Variants in IPO7 observed in about 807,000 individuals in gnomAD.
IPO7 encodes the protein importin-7.
In IPO7, 13 loss-of-function variants were observed where a neutral mutation model predicts 136.4. The ratio of observed to expected loss-of-function variants is 0.10; its 90% CI spans 0.06 to 0.15. IPO7 has a LOEUF of 0.15. Ranked by LOEUF, IPO7 falls within the 10% of genes least tolerant of loss-of-function variation. The pLI, the probability that IPO7 is intolerant of heterozygous loss-of-function variation, is 1.00. For missense variants in IPO7, 857 were observed against 1,240.6 expected (o/e 0.69, Z 4.65); for synonymous variants, 403 against 404.4 (o/e 1.00, Z 0.04).
At chr11:9,438,744 C>A (rs1855419399) in intron 22 of IPO7, among the ~76,000 whole-genome samples, 3 of 152,162 alleles carry the variant, frequency 2.0e-5, no homozygotes, top group African/African-American at 7.2e-5. Context: ...GTGATGTAAT[C>A]AGGAACTTCA....
At chr11:9,436,644 G>A (rs1855372350) in intron 20 of IPO7, among the ~76,000 whole-genome samples, 1 of 150,564 alleles carries the variant, frequency 6.6e-6, no homozygotes, top group South Asian at 2.1e-4. Flanking sequence ...AATATCCATG[G>A]TCAGTTTTTT....
chr11:9,398,140 A>T (rs532937257), intron 1 of IPO7, among the ~76,000 whole-genome samples: 84 of 151,804 alleles, frequency 5.5e-4, no homozygotes, highest in African/African-American at 2.0e-3. Context: ...AACCTTTCTC[A>T]CTCTACACTG....
chr11:9,394,853 A>G (rs550995129), intron 1 of IPO7, among the ~76,000 whole-genome samples: 1 of 152,206 alleles, frequency 6.6e-6, no homozygotes, highest in Non-Finnish European at 1.5e-5. Flanking sequence ...AAGTGTGACT[A>G]TTGAAATTAT....
At position 9,436,278 on chromosome 11, in the gene IPO7, C is replaced by G. The variant is rs777295284; in HGVS notation, c.2180C>G (p.Thr727Arg). The G allele has an allele frequency of 6.2e-7, 1 of 1,611,108 alleles. No homozygotes were observed. The highest frequency in any genetic ancestry group is 8.5e-7 in the Non-Finnish European group (1 of 1,177,290). ...ATATTCTGTTTTGATCAGGTTCTTA[C>G]AGGAGTTGCAGGAGAAGATGCAGAG... ...MIYSMCKKVL[T>R]GVAGEDAECH... Residue 727 changes from threonine (T) to arginine (R), a missense_variant, in exon 20 of 25, where the codon ACA becomes AGA. This residue lies in a region of IPO7 where 190 missense variants were observed against 249.0 expected (regional missense o/e 0.76). Coordinates refer to ENST00000379719, the MANE Select transcript of IPO7 (RefSeq NM_006391.3).
Position 9,429,037 on chromosome 11 carries a change from T to G in IPO7, c.1432T>G (p.Trp478Gly), listed in dbSNP as rs1315321870. 1 of 1,613,612 alleles carries G rather than the reference T, an allele frequency of 6.2e-7. No individual in the cohort carries two copies. The highest frequency in any genetic ancestry group is 1.7e-5 in the Admixed American group (1 of 59,974). Reference protein sequence around the residue: ...ELGYMRARACWVLHYFCEVKF... With the variant: ...ELGYMRARACGVLHYFCEVKF... ...CACTGTGTTTTTACAAAAGGCTTGC[T>G]GGGTACTTCACTATTTTTGTGAAGT... The change falls in exon 14 of 25, where the codon TGG becomes GGG. Residue 478 changes from tryptophan to glycine, a missense_variant. Transcript: ENST00000379719.
intron 18 of IPO7, 40 bp from the exon 19 acceptor site, chr11:9,434,894 G>A: frequency 1.6e-6 from 2 of 1,282,662 alleles, no homozygotes; most frequent in South Asian, 1.2e-5. Flanking sequence ...AAGCATTTGT[G>A]TTACTAAAGA....
intron 20 of IPO7, among the ~76,000 whole-genome samples, chr11:9,436,851 TATATATATATA>T: frequency 8.8e-5 from 1 of 11,312 alleles, no homozygotes; most frequent in Non-Finnish European, 2.1e-4. Context: ...TTTATATATA[TATATATATATA>T]TATATATTTT....
rs781029993 is a variant in IPO7, at chr11:9,446,845, A to G, written c.*1651A>G. 53 of 152,164 alleles carry G rather than the reference A, an allele frequency of 3.5e-4. No individual in the cohort carries two copies. Among genetic ancestry groups the G allele is most frequent in the Non-Finnish European group, 8.8e-5 (6 of 68,028 alleles). The allele number at this position is 152,164 out of a possible 1,614,324, so 9.4% of individuals were successfully genotyped here. ...ATTTTAACACTGAAGGAGTGAAAGT[A>G]TTTCCTATATTTATGAATTTACTAC... On this transcript the variant is annotated 3_prime_UTR_variant, in exon 25 of 25. Coordinates refer to ENST00000379719, the MANE Select transcript of IPO7 (RefSeq NM_006391.3).
chr11:9,414,166 T>A (rs532418327), intron 4 of IPO7, 89 bp from the exon 5 acceptor site: 2 of 938,040 alleles, frequency 2.1e-6, no homozygotes, highest in Non-Finnish European at 3.1e-6. Flanking sequence ...AGTATTTGAT[T>A]ATATTTGTGT....
intron 10 of IPO7, 74 bp downstream of exon 10, chr11:9,423,950 TA>T: frequency 1.3e-6 from 1 of 797,160 alleles, no homozygotes; most frequent in Admixed American, 2.0e-5. Flanking sequence ...GTAGCCAACC[TA>T]GGGGGTATTA....
intron 1 of IPO7, among the ~76,000 whole-genome samples, chr11:9,402,399 CAAAAAAA>C (rs71062846): frequency 2.0e-4 from 9 of 44,898 alleles, no homozygotes; most frequent in East Asian, 1.1e-3. Context: ...GACTGTGTCT[CAAAAAAA>C]AAAAAAAAAA....
At position 9,446,766 on chromosome 11, in the gene IPO7, T is replaced by G. The variant is rs1290584546; in HGVS notation, c.*1572T>G. 1 of 152,222 alleles carries G rather than the reference T, an allele frequency of 6.6e-6. No homozygotes were observed. Among genetic ancestry groups the G allele is most frequent in the Non-Finnish European group, 1.5e-5 (1 of 68,042 alleles). The allele number at this position is 152,222 out of a possible 1,614,324, so 9.4% of individuals were successfully genotyped here. A position where few individuals can be genotyped will look rare whatever the true frequency, so the allele number is the denominator to read the frequency against. ...ATTAAGAAAACCCATTGTTGTTGTG[T>G]TTTTCTTGTATACCAATAATTAAGC... On this transcript the variant is annotated 3_prime_UTR_variant, in exon 25 of 25. Transcript: ENST00000379719.
chr11:9,428,966 T>C (rs1367879401), intron 13 of IPO7, 65 bp from the exon 14 acceptor site: 1 of 1,408,410 alleles, frequency 7.1e-7, no homozygotes, highest in African/African-American at 1.4e-5. Flanking sequence ...ACTCAGGGAA[T>C]AGAGATTAGC....
At chr11:9,432,810 A>C (rs957828841) in intron 16 of IPO7, among the ~76,000 whole-genome samples, 1 of 152,068 alleles carries the variant, frequency 6.6e-6, no homozygotes, top group African/African-American at 2.4e-5. Context: ...TTCACATTCC[A>C]TGGTTCACTA....
At chr11:9,421,265 A>G (rs1307239083) in intron 8 of IPO7, among the ~76,000 whole-genome samples, 2 of 143,850 alleles carry the variant, frequency 1.4e-5, no homozygotes, top group Non-Finnish European at 3.0e-5. Flanking sequence ...CCGGCCCAGA[A>G]TTCTAATTTT....
At chr11:9,410,148 G>A (rs1854948722) in intron 4 of IPO7, 62 bp downstream of exon 4, 2 of 1,188,894 alleles carry the variant, frequency 1.7e-6, no homozygotes, top group Non-Finnish European at 2.3e-6. Flanking sequence ...GAAAATTTAA[G>A]CCAATTTGAA....
At chr11:9,428,243 TAA>T (rs1262927872) in intron 12 of IPO7, among the ~76,000 whole-genome samples, 1 of 152,236 alleles carries the variant, frequency 6.6e-6, no homozygotes, top group East Asian at 1.9e-4. Flanking sequence ...TTTTTCCTTA[TAA>T]AAGTTTCATA....
intron 18 of IPO7, among the ~76,000 whole-genome samples, chr11:9,434,215 G>C (rs1184223637): frequency 6.6e-6 from 1 of 152,096 alleles, no homozygotes; most frequent in African/African-American, 2.4e-5. Flanking sequence ...GAGCCACTGC[G>C]CCTGGCCTGA....
intron 9 of IPO7, 36 bp from the exon 10 acceptor site, chr11:9,423,741 C>T: frequency 7.5e-7 from 1 of 1,328,012 alleles, no homozygotes. Context: ...AATTTGAAAA[C>T]TGATGGTTAT....
Sources: allele counts gnomAD v4.1 joint callset (sites outside exome capture counted in the v4.1 genomes callset), GRCh38; gene constraint gnomAD v4.1.1; regional missense constraint gnomAD v4.1.1; transcripts MANE v1.5; gene names NCBI Gene and HGNC (gene_info 2026-07-23, HGNC 2026-07-21).